The following FMN1 variants were observed in gnomAD, a reference collection of about 807,000 sequenced individuals.
FMN1 encodes the protein formin 1.
In FMN1, 110 loss-of-function variants were observed where a neutral mutation model predicts 132.4. The ratio of observed to expected loss-of-function variants is 0.83; its 90% CI spans 0.71 to 0.97. FMN1 has a LOEUF of 0.97. Among genes scored for constraint, FMN1 ranks in the 50% least tolerant of loss-of-function variants. The pLI is 0.00. For missense variants in FMN1, 1,792 were observed against 1,705.3 expected (o/e 1.05, Z -0.90); for synonymous variants, 722 against 651.7 (o/e 1.11, Z -1.64).
intron 17 of FMN1, among the ~76,000 whole-genome samples, chr15:32,822,481 A>AT (rs2058245252): frequency 6.6e-6 from 1 of 152,026 alleles, no homozygotes; most frequent in South Asian, 2.1e-4. Context: ...AGGTTCTGAT[A>AT]TTTTTCCCCT....
chr15:32,895,076 T>C (rs182076675), intron 15 of FMN1, among the ~76,000 whole-genome samples: 3 of 152,192 alleles, frequency 2.0e-5, no homozygotes, highest in Admixed American at 6.5e-5. Flanking sequence ...TATTTTGCTA[T>C]CATAAGCTAT....
At chr15:32,989,584 A>G (rs957749414) in intron 7 of FMN1, among the ~76,000 whole-genome samples, 2 of 152,168 alleles carry the variant, frequency 1.3e-5, no homozygotes, top group African/African-American at 4.8e-5. Context: ...AAGAAAGCCA[A>G]GATAAATTGG....
intron 8 of FMN1, among the ~76,000 whole-genome samples, chr15:32,967,939 A>T (rs2031397593): frequency 2.6e-5 from 4 of 152,260 alleles, no homozygotes; most frequent in Admixed American, 2.6e-4. Flanking sequence ...ACAACTTAAG[A>T]TCTCTTTCAC....
At chr15:32,878,116 AG>A (rs1381898784) in intron 16 of FMN1, among the ~76,000 whole-genome samples, 2 of 152,204 alleles carry the variant, frequency 1.3e-5, no homozygotes, top group African/African-American at 4.8e-5. Context: ...TGGGCAAGGA[AG>A]GCTCAGAGCA....
chr15:32,990,080 AC>A (rs2033340685), intron 7 of FMN1, among the ~76,000 whole-genome samples: 1 of 152,198 alleles, frequency 6.6e-6, no homozygotes, highest in Admixed American at 6.6e-5. Flanking sequence ...AATTTGAGAT[AC>A]TAAAAATATT....
At chr15:32,836,325 A>G (rs1445480308) in intron 17 of FMN1, among the ~76,000 whole-genome samples, 1 of 152,226 alleles carries the variant, frequency 6.6e-6, no homozygotes, top group Non-Finnish European at 1.5e-5. Flanking sequence ...AGCCAACTGC[A>G]TGGCGGTTTG....
chr15:32,878,868 T>C (rs2059698506), intron 16 of FMN1, among the ~76,000 whole-genome samples: 1 of 152,144 alleles, frequency 6.6e-6, no homozygotes, highest in Non-Finnish European at 1.5e-5. Flanking sequence ...TAACCACGTG[T>C]TTTTATAAAA....
At chr15:33,146,125 T>G (rs1290087250) in intron 4 of FMN1, among the ~76,000 whole-genome samples, 2 of 151,916 alleles carry the variant, frequency 1.3e-5, no homozygotes, top group African/African-American at 2.4e-5. Context: ...ATACCATGAA[T>G]TACTAATACA....
intron 9 of FMN1, 106 bp from the exon 10 acceptor site, chr15:32,926,367 A>G: frequency 1.6e-6 from 1 of 614,066 alleles, no homozygotes; most frequent in South Asian, 2.2e-5. Context: ...TGATTGATGA[A>G]CTAAATTGAT....
intron 16 of FMN1, among the ~76,000 whole-genome samples, chr15:32,884,399 G>A (rs188892392): frequency 1.2e-4 from 19 of 152,168 alleles, no homozygotes; most frequent in South Asian, 1.0e-3. Flanking sequence ...TTCTTACGTC[G>A]TTATATCTCC....
chr15:32,949,970 C>CATATAT (rs370244413), intron 9 of FMN1, among the ~76,000 whole-genome samples: 1 of 8,734 alleles, frequency 1.1e-4, no homozygotes, highest in Non-Finnish European at 2.6e-4. Context: ...TATATACACA[C>CATATAT]ATATATATAC....
At chr15:32,900,208 T>C (rs1391171884) in intron 13 of FMN1, 83 bp from the exon 14 acceptor site, 1 of 1,463,028 alleles carries the variant, frequency 6.8e-7, no homozygotes, top group South Asian at 1.1e-5. Flanking sequence ...GACTGTGTAC[T>C]CAATAGGCTG....
chr15:32,933,777 A>T (rs1007046011), intron 9 of FMN1, among the ~76,000 whole-genome samples: 2 of 151,698 alleles, frequency 1.3e-5, no homozygotes, highest in Non-Finnish European at 2.9e-5. Context: ...TGTCTTTTGG[A>T]TTGTTTTTAG....
chr15:33,155,149 C>T, intron 3 of FMN1, 104 bp from the exon 4 acceptor site: 1 of 424,794 alleles, frequency 2.4e-6, no homozygotes, highest in Non-Finnish European at 4.2e-6. Flanking sequence ...TCCTCTGTGG[C>T]TGACCTCAAC....
At chr15:33,008,117 A>G (rs2034516298) in intron 6 of FMN1, 42 bp from the exon 7 acceptor site, 2 of 1,495,958 alleles carry the variant, frequency 1.3e-6, no homozygotes, top group Non-Finnish European at 1.8e-6. Flanking sequence ...GAAGTACAAA[A>G]TTAAGCACAA....
chr15:33,015,314 A>C (rs2034977945), intron 6 of FMN1, among the ~76,000 whole-genome samples: 1 of 152,148 alleles, frequency 6.6e-6, no homozygotes, highest in Non-Finnish European at 1.5e-5. Context: ...GGGGAATGCT[A>C]ATTTTAATCA....
intron 17 of FMN1, among the ~76,000 whole-genome samples, chr15:32,855,599 A>T (rs962514258): frequency 6.6e-6 from 1 of 152,226 alleles, no homozygotes; most frequent in Non-Finnish European, 1.5e-5. Flanking sequence ...CAGACGCAGG[A>T]TTCTAAGAGC....
chr15:32,980,978 C>A (rs1439909250), intron 7 of FMN1, among the ~76,000 whole-genome samples: 1 of 152,200 alleles, frequency 6.6e-6, no homozygotes, highest in Non-Finnish European at 1.5e-5. Context: ...CGTGCCACTG[C>A]ACCCCAGCCT....
intron 7 of FMN1, among the ~76,000 whole-genome samples, chr15:32,988,330 A>G (rs931971599): frequency 6.6e-6 from 1 of 152,200 alleles, no homozygotes; most frequent in Non-Finnish European, 1.5e-5. Context: ...TTAAAAAACA[A>G]TAAATTTGAA....
Sources: allele counts gnomAD v4.1 joint callset (sites outside exome capture counted in the v4.1 genomes callset), GRCh38; gene constraint gnomAD v4.1.1; transcripts MANE v1.5; gene names NCBI Gene and HGNC (gene_info 2026-07-23, HGNC 2026-07-21).